ANAPC5: variants seen among roughly 807,000 people sequenced by gnomAD.
ANAPC5 encodes anaphase-promoting complex subunit 5.
Under a neutral mutation model 91.3 loss-of-function variants are expected in ANAPC5, and 60 were observed. The ratio of observed to expected loss-of-function variants is 0.66; its 90% CI spans 0.53 to 0.81. ANAPC5 has a LOEUF of 0.81. Ranked by LOEUF, ANAPC5 falls within the 40% of genes least tolerant of loss-of-function variation. The pLI is 0.00. For missense variants in ANAPC5, 690 were observed against 931.5 expected, an observed-to-expected ratio of 0.74 and a Z score of 3.37; for synonymous variants, 340 against 364.1, an observed-to-expected ratio of 0.93 and a Z score of 0.75.
Position 121,320,752 on chromosome 12 carries a change from G to A in ANAPC5, c.1441-293C>T, listed in dbSNP as rs368257208. On this transcript the variant is annotated intron_variant, in intron 11 of 16. Transcript: ENST00000261819. ...TGAGTAGCTGGGACCACAGGTGCCTGCCACCATGTCCGGCTAATTTTTTTG... is the reference window on the plus strand; with the variant it reads ...TGAGTAGCTGGGACCACAGGTGCCTACCACCATGTCCGGCTAATTTTTTTG... The A allele has an allele frequency of 4.6e-3, 973 of 212,668 alleles. 8 individuals are homozygous for A. Among genetic ancestry groups the A allele is most frequent in the African/African-American group, 0.021 (936 of 43,604 alleles). The allele number at this position is 212,668 out of a possible 1,614,324, so 13.2% of individuals were successfully genotyped here.
intron 16 of ANAPC5, 105 bp from the exon 17 acceptor site, chr12:121,308,796 C>T: frequency 1.1e-6 from 1 of 923,774 alleles, no homozygotes; most frequent in Non-Finnish European, 1.7e-6. Context: ...CCAGAAGATT[C>T]TTTTATATTC....
At chr12:121,337,653 C>T (rs573277624) in intron 5 of ANAPC5, among the ~76,000 whole-genome samples, 25 of 152,208 alleles carry the variant, frequency 1.6e-4, no homozygotes, top group African/African-American at 5.8e-4. Context: ...CGCTCCCCAG[C>T]CATATACTAC....
Position 121,317,927 on chromosome 12 carries a change from A to G in ANAPC5, c.1893+350T>C, listed in dbSNP as rs12582191. ...TACAATTTGATTTCCAAAAGCTTTC[A>G]ATGAACATCTGTGTTCCTCATTTCT... On this transcript the variant is annotated intron_variant, in intron 15 of 16. Transcript: ENST00000261819. The G allele has an allele frequency of 8.4e-3, 1,483 of 176,880 alleles. 16 individuals carry two copies. Among genetic ancestry groups the G allele is most frequent in the South Asian group, 0.044 (221 of 5,058 alleles). The allele number at this position is 176,880 out of a possible 1,614,324, so 11.0% of individuals were successfully genotyped here. A position where few individuals can be genotyped will look rare whatever the true frequency, so the allele number is the denominator to read the frequency against.
chr12:121,309,634 T>C, intron 16 of ANAPC5, 67 bp downstream of exon 16: 1 of 1,509,062 alleles, frequency 6.6e-7, no homozygotes, highest in Non-Finnish European at 8.9e-7. Context: ...CTTTTCTTCT[T>C]CTGGGTCCTA....
chr12:121,324,812 T>A (rs1043268904), intron 11 of ANAPC5, among the ~76,000 whole-genome samples: 1 of 148,730 alleles, frequency 6.7e-6, no homozygotes. Context: ...TGAGGTGGAG[T>A]TCAAGGCTGC....
In ANAPC5 at chr12:121,328,390, C is replaced by T. The variant is rs1555272538; in HGVS notation, c.1230G>A (p.Trp410Ter). The T allele has an allele frequency of 6.2e-7, 1 of 1,613,908 alleles. No individual in the cohort carries two copies. The highest frequency in any genetic ancestry group is 1.7e-5 in the Admixed American group (1 of 59,964). ...CGATGAGCTCTGACAGGCTGTGTTT[C>T]CAGTGCAGGAGGTCGGAGTCCTTTA... ...DALKDSDLLHWKHSLSELIDI... is the reference protein window; with the variant it reads ...DALKDSDLLH Residue 410 changes from tryptophan to a stop codon, truncating the protein, a stop_gained, in exon 10 of 17, where the codon TGG (tryptophan) becomes TGA (stop). Transcript: ENST00000261819. LOFTEE classifies it high-confidence loss of function.
chr12:121,316,732 C>CAAAAAAAAAAAAA (rs35989752), intron 15 of ANAPC5, among the ~76,000 whole-genome samples: 1 of 28,972 alleles, frequency 3.5e-5, no homozygotes, highest in Non-Finnish European at 6.9e-5. Flanking sequence ...GACTCTGTCT[C>CAAAAAAAAAAAAA]AAAAAAAAAA....
intron 15 of ANAPC5, among the ~76,000 whole-genome samples, chr12:121,315,465 G>T (rs546770509): frequency 6.6e-6 from 1 of 150,464 alleles, no homozygotes; most frequent in Non-Finnish European, 1.5e-5. Context: ...AATTGCAAGG[G>T]ATGCTGAATA....
chr12:121,352,527 G>C, upstream of ANAPC5: 2 of 578,874 alleles, frequency 3.5e-6, no homozygotes, highest in South Asian at 4.3e-5. Flanking sequence ...GCGACAGCCA[G>C]TCAGAATGTA....
rs1440697151 is a variant in ANAPC5, at chr12:121,347,900, G to T, written c.208-19C>A. Reference sequence around the variant, plus strand: ...CTGGGCCCTGTGTAAAGGAGAGATAGGGAGGTATGGATTTTAAAGAGCTGG... The same window carrying T: ...CTGGGCCCTGTGTAAAGGAGAGATATGGAGGTATGGATTTTAAAGAGCTGG... On this transcript the variant is annotated intron_variant, in intron 1 of 16. Coordinates refer to ENST00000261819, the MANE Select transcript of ANAPC5 (RefSeq NM_016237.5). 2 of 1,547,722 alleles carry T rather than the reference G, an allele frequency of 1.3e-6. No homozygotes were observed. Among genetic ancestry groups the T allele is most frequent in the Admixed American group, 1.7e-5 (1 of 59,508 alleles).
rs528312714 is a variant in ANAPC5, at chr12:121,316,269, T to A, written c.1893+2008A>T. On this transcript the variant is annotated intron_variant, in intron 15 of 16. Transcript: ENST00000261819. ...ACCCCTTCATACCCACTAGGAAGGA[T>A]GTAATAATTAAAAATGGAAAATAAC... Among the ~76,000 whole-genome samples the A allele has an allele frequency of 7.9e-5, 12 of 152,232 alleles. 1 individual carries two copies. In the South Asian group the frequency reaches 1.5e-3, roughly 18 times the overall value.
intron 10 of ANAPC5, chr12:121,328,064 C>T (rs1231032925): frequency 2.5e-6 from 1 of 402,000 alleles, no homozygotes; most frequent in Non-Finnish European, 4.5e-6. Flanking sequence ...CTGGTTTACT[C>T]TCCCAGCATG....
rs1566181958 is a variant in ANAPC5 at position 121,319,114 on chromosome 12, A to ACACAC, written c.1638-507_1638-506insGTGTG. ...TATGTGAGCATGCTGTGTATACACAAACACACACACACACACACACACACA... is the reference window on the plus strand; with the variant it reads ...TATGTGAGCATGCTGTGTATACACAACACACACACACACACACACACACACACACA... On this transcript the variant is annotated intron_variant, in intron 13 of 16. Transcript: ENST00000261819. Among the ~76,000 whole-genome samples, 573 of 114,638 alleles carry ACACAC rather than the reference A, an allele frequency of 5.0e-3. 3 individuals are homozygous for ACACAC. The highest frequency in any genetic ancestry group is 0.029 in the African/African-American group (559 of 18,954). 75.2% of individuals were successfully genotyped at this position (114,638 alleles called of 152,430 possible).
upstream of ANAPC5, among the ~76,000 whole-genome samples, chr12:121,353,474 T>A (rs1396145955): frequency 7.2e-6 from 1 of 139,146 alleles, no homozygotes; most frequent in African/African-American, 2.5e-5. Flanking sequence ...CGGAGTCTCC[T>A]CTGTCGCCCA....
rs1555272803 is a variant in ANAPC5 at position 121,330,661 on chromosome 12, A to G, written c.1044T>C (p.Tyr348=). ...VCLQHCLSWL[Y]VLGQKRSDSY... ...TATCGGATCTCTTCTGCCCCAGCAC[A>G]TAAAGCCAGCTCTGGCAAGAGAAAT... The change falls in exon 9 of 17, where the codon TAT becomes TAC. Residue 348 remains tyrosine (Y), a synonymous_variant. Coordinates refer to ENST00000261819, the MANE Select transcript of ANAPC5 (RefSeq NM_016237.5). The G allele has an allele frequency of 6.8e-6, 11 of 1,613,992 alleles. No homozygotes were observed. Among genetic ancestry groups the G allele is most frequent in the Non-Finnish European group, 9.3e-6 (11 of 1,179,952 alleles).
intron 10 of ANAPC5, chr12:121,327,899 T>C (rs1902882538): frequency 6.1e-6 from 1 of 164,514 alleles, no homozygotes; most frequent in African/African-American, 2.4e-5. Flanking sequence ...GACACTCAAC[T>C]AGAGCAACCA....
chr12:121,320,501 G>T, intron 11 of ANAPC5, 42 bp from the exon 12 acceptor site: 1 of 1,561,698 alleles, frequency 6.4e-7, no homozygotes, highest in South Asian at 1.1e-5. Context: ...AACCTGTGTT[G>T]AATCCACACC....
chr12:121,316,697 C>T (rs1477125971), intron 15 of ANAPC5, among the ~76,000 whole-genome samples: 1 of 133,950 alleles, frequency 7.5e-6, no homozygotes, highest in Non-Finnish European at 1.5e-5. Flanking sequence ...TGCACCACTG[C>T]ACTCCAGCCT....
intron 1 of ANAPC5, among the ~76,000 whole-genome samples, chr12:121,351,490 C>T (rs1480215511): frequency 8.0e-5 from 12 of 150,776 alleles, no homozygotes; most frequent in Non-Finnish European, 1.5e-5. Flanking sequence ...CGGAGTCTTG[C>T]ACTGTCGCCC....
Sources: gnomAD v4.1 joint callset for allele counts (sites outside exome capture counted in the v4.1 genomes callset) on GRCh38, gnomAD v4.1.1 for gene constraint, MANE v1.5 for transcripts, NCBI Gene and HGNC (gene_info 2026-07-23, HGNC 2026-07-21) for gene names.